Variants in SLX9 observed in about 807,000 individuals in gnomAD.
The protein encoded by SLX9 is SLX9 ribosome biogenesis factor, also known as ribosome biogenesis protein SLX9 homolog.
SLX9 carries 19 observed loss-of-function variants against 20.8 expected under a neutral mutation model. That is an observed-to-expected ratio of 0.91 (90% CI 0.64 to 1.34). The LOEUF is 1.34. Among genes scored for constraint, SLX9 ranks in the 40% most tolerant of loss-of-function variants. The probability of loss-of-function intolerance (pLI) is 0.00; values close to 1 mark genes in which losing one functional copy is unlikely to be tolerated. For synonymous variants in SLX9, 113 were observed against 137.1 expected, an observed-to-expected ratio of 0.82 and a Z score of 1.23; for missense variants, 299 against 322.2, an observed-to-expected ratio of 0.93 and a Z score of 0.55.
At chr21:44,971,111 G>A (rs1041918145) in intron 4 of SLX9, among the ~76,000 whole-genome samples, 29 of 152,014 alleles carry the variant, frequency 1.9e-4, no homozygotes, top group African/African-American at 2.9e-4. Flanking sequence ...GGCAGTTGTC[G>A]GGAGGGGACC....
chr21:44,958,355 C>G (rs2084895713), intron 2 of SLX9: 1 of 152,602 alleles, frequency 6.6e-6, no homozygotes, highest in Non-Finnish European at 1.5e-5. Context: ...GGCATTTCTG[C>G]TGCACCCACG....
In SLX9 at chr21:44,963,637, A is replaced by C. The variant is rs2084985212; in HGVS notation, c.353-3397A>C. On this transcript the variant is annotated intron_variant, in intron 3 of 5. Coordinates refer to ENST00000291634, the MANE Select transcript of SLX9 (RefSeq NM_058190.4). ...TTTTTTCCCCCTAATATGGATATTC[A>C]GCTGTTCCAGCACCATTTGTTATAA... Among the ~76,000 whole-genome samples the C allele has an allele frequency of 2.0e-5, 3 of 151,938 alleles. No individual in the cohort carries two copies. In the East Asian group the frequency reaches 5.8e-4, roughly 29 times the overall value.
intron 3 of SLX9, among the ~76,000 whole-genome samples, chr21:44,966,623 C>G (rs1001374490): frequency 1.3e-5 from 2 of 152,166 alleles, no homozygotes; most frequent in Non-Finnish European, 2.9e-5. Context: ...GGGGAGCCCT[C>G]TCCCTCCTGG....
At chr21:44,971,526 G>A (rs2085149463) in intron 4 of SLX9, among the ~76,000 whole-genome samples, 1 of 152,172 alleles carries the variant, frequency 6.6e-6, no homozygotes, top group African/African-American at 2.4e-5. Flanking sequence ...CTCTGCTTTG[G>A]GACCTTGGGA....
At position 44,968,898 on chromosome 21, in the gene SLX9, C is replaced by T. The variant is rs992054792; in HGVS notation, c.500+1717C>T. Among the ~76,000 whole-genome samples, 6 of 151,862 alleles carry T rather than the reference C, an allele frequency of 4.0e-5. 1 individual carries two copies. The highest frequency in any genetic ancestry group is 6.6e-5 in the Admixed American group (1 of 15,254). ...CCTCCCAAGTAGGTGGGACTACAGG[C>T]GCCCGCCACCATACCTGGCTAATTT... On this transcript the variant is annotated intron_variant, in intron 4 of 5. Coordinates refer to ENST00000291634, the MANE Select transcript of SLX9 (RefSeq NM_058190.4).
rs947218751 is a variant in SLX9, at chr21:44,940,201, C to T, written c.129+15C>T. On this transcript the variant is annotated intron_variant, in intron 1 of 5. Coordinates refer to ENST00000291634, the MANE Select transcript of SLX9 (RefSeq NM_058190.4). ...CCGCGGGGAAGGTGAGCTGGGGAGG[C>T]GCTGGCCGGGGGCTGCCGCGTGGGT... The T allele has an allele frequency of 8.1e-6, 10 of 1,233,522 alleles. No individual in the cohort carries two copies. The African/African-American group carries it at 1.3e-4, about 15-fold the overall frequency. The allele number at this position is 1,233,522 out of a possible 1,614,324, so 76.4% of individuals were successfully genotyped here.
Position 44,976,732 on chromosome 21 carries a change from G to A in SLX9, c.622G>A (p.Ala208Thr). ...GCTGCTGGCCAGTCCGGCCTACAGA[G>A]CCAGCCCCCTGGTGGCCATCGGGCA... is the stretch of plus-strand genomic sequence containing the variant. ...QELLASPAYR[A>T]SPLVAIGQTL... The change falls in exon 6 of 6, where the codon GCC becomes ACC. Residue 208 changes from alanine (A) to threonine (T), a missense_variant. Ala to Thr is a moderately conservative substitution (Grantham distance 58, BLOSUM62 0). Transcript: ENST00000291634. 1.9e-6 allele frequency: 3 copies of A among 1,570,674 alleles called. No individual in the cohort carries two copies. In the South Asian group the frequency reaches 3.5e-5, roughly 18 times the overall value.
intron 3 of SLX9, among the ~76,000 whole-genome samples, chr21:44,961,148 G>T (rs1020297615): frequency 6.6e-6 from 1 of 152,070 alleles, no homozygotes; most frequent in South Asian, 2.1e-4. Flanking sequence ...GGATTTGGAC[G>T]GGCTACTGGA....
intron 4 of SLX9, among the ~76,000 whole-genome samples, chr21:44,970,591 G>A (rs1038339509): frequency 2.6e-5 from 4 of 152,198 alleles, no homozygotes; most frequent in Admixed American, 6.5e-5. Context: ...CCTGGGCGGC[G>A]GGCCGTGTCT....
chr21:44,947,067 T>A (rs1424262553), intron 2 of SLX9, among the ~76,000 whole-genome samples: 1 of 152,240 alleles, frequency 6.6e-6, no homozygotes, highest in African/African-American at 2.4e-5. Flanking sequence ...GCATCTTGGC[T>A]GCTCCTCACC....
chr21:44,965,900 C>A (rs1378483226), intron 3 of SLX9, among the ~76,000 whole-genome samples: 1 of 152,068 alleles, frequency 6.6e-6, no homozygotes, highest in African/African-American at 2.4e-5. Context: ...AATGAGGTGC[C>A]GAGTAACGTG....
chr21:44,968,753 CTTT>C (rs35304604), intron 4 of SLX9, among the ~76,000 whole-genome samples: 4 of 132,932 alleles, frequency 3.0e-5, no homozygotes, highest in Non-Finnish European at 3.2e-5. Context: ...CATCTCTGTG[CTTT>C]TTTTTTTTTT....
chr21:44,957,246 G>A (rs988923710), intron 2 of SLX9, among the ~76,000 whole-genome samples: 2 of 152,196 alleles, frequency 1.3e-5, no homozygotes, highest in Non-Finnish European at 2.9e-5. Flanking sequence ...GCTGAGGCGG[G>A]GTCTTCCAGA....
chr21:44,974,494 C>G (rs915504132), intron 5 of SLX9, among the ~76,000 whole-genome samples: 1 of 152,198 alleles, frequency 6.6e-6, no homozygotes, highest in Admixed American at 6.5e-5. Context: ...CATTTTTACT[C>G]TAGACACTTT....
intron 2 of SLX9, 99 bp from the exon 3 acceptor site, chr21:44,960,001 T>C (rs962268074): frequency 2.9e-6 from 3 of 1,023,736 alleles, no homozygotes; most frequent in African/African-American, 1.6e-5. Flanking sequence ...TTGCAGTGAC[T>C]GTGGCAGCTC....
chr21:44,973,194 C>T lies in SLX9; in HGVS notation c.501-3C>T. 1 of 1,613,078 alleles carries T rather than the reference C, an allele frequency of 6.2e-7. No homozygotes were observed. The highest frequency in any genetic ancestry group is 8.5e-7 in the Non-Finnish European group (1 of 1,179,740). ...GACTCACGTGGCTTCTCTGTGTCCA[C>T]AGCAGGGAGAGCAACAAGCCCCGGC... On this transcript the variant is annotated splice_polypyrimidine_tract_variant and splice_region_variant and intron_variant, in intron 4 of 5. Transcript: ENST00000291634.
intron 2 of SLX9, among the ~76,000 whole-genome samples, chr21:44,955,005 G>C (rs982841624): frequency 6.6e-6 from 1 of 152,112 alleles, no homozygotes; most frequent in Non-Finnish European, 1.5e-5. Context: ...CTTGAGGTCA[G>C]GAGTTTGAGA....
Position 44,948,298 on chromosome 21 carries a change from C to T in SLX9, c.283+4461C>T, listed in dbSNP as rs139615493. ...GTCCGGGGAGCTGGTCGTGGAGCATCGGGCGGTCCGGGGAGCTGGTCGTGG... is the reference window on the plus strand; with the variant it reads ...GTCCGGGGAGCTGGTCGTGGAGCATTGGGCGGTCCGGGGAGCTGGTCGTGG... On this transcript the variant is annotated intron_variant, in intron 2 of 5. Transcript: ENST00000291634. Among the ~76,000 whole-genome samples, 9 of 137,380 alleles carry T rather than the reference C, an allele frequency of 6.6e-5. No individual in the cohort carries two copies. The East Asian group carries it at 1.9e-3, about 29-fold the overall frequency. 90.1% of individuals were successfully genotyped at this position (137,380 alleles called of 152,430 possible).
At chr21:44,965,366 C>T (rs2085016063) in intron 3 of SLX9, among the ~76,000 whole-genome samples, 1 of 152,098 alleles carries the variant, frequency 6.6e-6, no homozygotes, top group Admixed American at 6.5e-5. Flanking sequence ...CTCGCTCCCT[C>T]CCTCCCCCTC....
Sources: allele counts gnomAD v4.1 joint callset (sites outside exome capture counted in the v4.1 genomes callset), GRCh38; gene constraint gnomAD v4.1.1; transcripts MANE v1.5; gene names NCBI Gene and HGNC (gene_info 2026-07-23, HGNC 2026-07-21).